The following SLC17A9 variants were observed in gnomAD, a reference collection of about 807,000 sequenced individuals.
The protein encoded by SLC17A9 is solute carrier family 17 member 9, also known as voltage-gated purine nucleotide uniporter SLC17A9.
Under a neutral mutation model 55.0 loss-of-function variants are expected in SLC17A9, and 49 were observed. The observed-to-expected ratio is 0.89, with a 90% CI of 0.71 to 1.13. The LOEUF (loss-of-function observed/expected upper bound fraction) is 1.13. Among genes scored for constraint, SLC17A9 ranks in the 50% most tolerant of loss-of-function variants. The probability of loss-of-function intolerance (pLI) is 0.00; values close to 1 mark genes in which losing one functional copy is unlikely to be tolerated. For missense variants in SLC17A9, 526 were observed against 569.3 expected, an observed-to-expected ratio of 0.92 and a Z score of 0.77; for synonymous variants, 256 against 247.4, an observed-to-expected ratio of 1.03 and a Z score of -0.32.
At chr20:62,964,505 C>T (rs1006174087) in intron 8 of SLC17A9, among the ~76,000 whole-genome samples, 190 bp downstream of exon 8, 7 of 152,158 alleles carry the variant, frequency 4.6e-5, no homozygotes, top group Admixed American at 3.3e-4. Context: ...TCTGGTCTCA[C>T]GGTGACTGTG....
At chr20:62,963,783 G>A (rs562934027) in intron 7 of SLC17A9, 103 bp downstream of exon 7, 142 of 1,063,882 alleles carry the variant, frequency 1.3e-4, no homozygotes, top group African/African-American at 4.7e-4. Context: ...TGGAACCCTC[G>A]GCTCCTCCTG....
In SLC17A9 at chr20:62,966,564, C is replaced by T. The variant is rs778254246; in HGVS notation, c.1101C>T (p.Cys367=). The T allele has an allele frequency of 2.6e-5, 42 of 1,608,908 alleles. No individual in the cohort carries two copies. Among genetic ancestry groups the T allele is most frequent in the East Asian group, 4.5e-5 (2 of 44,456 alleles). The stretch of plus-strand genomic sequence containing the variant: ...ACATCCAGGACTTGGCCCCGTCCTG[C>T]GCCGGCTTTCTGTTTGGTGAGGACC... The part of the protein sequence containing the change: ...SVNIQDLAPS[C]AGFLFGVANT... The change falls in exon 11 of 13, where the codon TGC becomes TGT. Residue 367 remains cysteine (C), a synonymous_variant. Transcript: ENST00000370351.
At chr20:62,956,677 C>T (rs1374107699) in intron 1 of SLC17A9, 88 bp from the exon 2 acceptor site, 18 of 1,266,824 alleles carry the variant, frequency 1.4e-5, no homozygotes, top group Non-Finnish European at 2.0e-5. Flanking sequence ...TCCATGTCCC[C>T]CAGCCCTGAG....
chr20:62,952,867 G>A lies in SLC17A9; in HGVS notation c.37G>A (p.Ala13Thr), dbSNP rs951849184. ...CCCAGACGAGGCCCGCAGGGACATG[G>A]CCGGGGACACCCAGTGGTCCAGGTG... Reference protein sequence around the residue: ...PPPDEARRDMAGDTQWSRPEC... With the variant: ...PPPDEARRDMTGDTQWSRPEC... The change falls in exon 1 of 13, where the codon GCC becomes ACC. Residue 13 changes from alanine (A) to threonine (T), a missense_variant. Coordinates refer to ENST00000370351, the MANE Select transcript of SLC17A9 (RefSeq NM_022082.4). 4 of 1,520,432 alleles carry A rather than the reference G, an allele frequency of 2.6e-6. No individual in the cohort carries two copies. The highest frequency in any genetic ancestry group is 3.5e-6 in the Non-Finnish European group (4 of 1,138,666). The allele number at this position is 1,520,432 out of a possible 1,614,324, so 94.2% of individuals were successfully genotyped here.
At position 62,962,880 on chromosome 20, in the gene SLC17A9, C is replaced by A; in HGVS notation, c.628+126C>A. The stretch of plus-strand genomic sequence containing the variant: ...CGATGGCTTTGACCTCCCAAAGAAT[C>A]CGCCAGTGAGGAAAAGCGCTCGGGT... On this transcript the variant is annotated intron_variant, in intron 5 of 12. Coordinates refer to ENST00000370351, the MANE Select transcript of SLC17A9 (RefSeq NM_022082.4). This position sits in a 1 kb window ranked among gnomAD's most constrained non-coding sequence, Gnocchi z 5.5. 7.1e-7 allele frequency: 1 copy of A among 1,402,304 alleles called. No homozygotes were observed. Among genetic ancestry groups the A allele is most frequent in the Non-Finnish European group, 9.6e-7 (1 of 1,039,370 alleles). 86.9% of individuals were successfully genotyped at this position (1,402,304 alleles called of 1,614,324 possible).
chr20:62,953,497 G>A lies in SLC17A9; in HGVS notation c.59+608G>A, dbSNP rs549701038. On this transcript the variant is annotated intron_variant, in intron 1 of 12. Transcript: ENST00000370351. ...TCAGAAACCGGGCGAGATGGTGACC[G>A]CGGGCCATTGGTCAGCTGGGGAGGG... Among the ~76,000 whole-genome samples the A allele has an allele frequency of 7.2e-5, 11 of 152,342 alleles. No homozygotes were observed. In the South Asian group the frequency reaches 8.3e-4, roughly 11 times the overall value.
intron 7 of SLC17A9, chr20:62,963,953 A>G (rs2065612383): frequency 1.7e-6 from 1 of 595,164 alleles, no homozygotes; most frequent in East Asian, 2.8e-5. Context: ...CTGCTGGCCC[A>G]CAGAACCCGA....
At chr20:62,957,845 A>C (rs533582504) in intron 3 of SLC17A9, among the ~76,000 whole-genome samples, 1 of 115,806 alleles carries the variant, frequency 8.6e-6, no homozygotes, top group Non-Finnish European at 1.7e-5. Flanking sequence ...GCATGCGTGC[A>C]CCTGTGCGTG....
chr20:62,957,079 CT>C (rs2065543381), intron 2 of SLC17A9, 117 bp downstream of exon 2: 1 of 1,377,060 alleles, frequency 7.3e-7, no homozygotes. Context: ...GGGGAAGGAG[CT>C]TGGTGGACAC....
chr20:62,962,675 G>A lies in SLC17A9; in HGVS notation c.549G>A (p.Trp183Ter). The change falls in exon 5 of 13, where the codon TGG becomes TGA. Residue 183 changes from tryptophan (W) to a stop codon, truncating the protein, a stop_gained. Coordinates refer to ENST00000370351, the MANE Select transcript of SLC17A9 (RefSeq NM_022082.4). LOFTEE classifies it high-confidence loss of function. The surrounding 1 kb of genome is among the most constrained non-coding windows in gnomAD (Gnocchi z 5.5). ...CCCTGCTCCTGGAATGGTACGGCTG[G>A]CAGAGCATCTTCTATTTCTCCGGCG... ...VGSLLLEWYG[W>*]QSIFYFSGGL... 6.2e-7 allele frequency: 1 copy of A among 1,614,088 alleles called. No individual in the cohort carries two copies. Among genetic ancestry groups the A allele is most frequent in the Non-Finnish European group, 8.5e-7 (1 of 1,179,938 alleles).
intron 8 of SLC17A9, 38 bp from the exon 9 acceptor site, chr20:62,965,094 G>A: frequency 6.2e-7 from 1 of 1,613,796 alleles, no homozygotes. Flanking sequence ...CAGCACGAAA[G>A]GGCTAACGGG....
Position 62,963,353 on chromosome 20 carries a change from C to G in SLC17A9, c.709C>G (p.Arg237Gly). 1 of 1,613,566 alleles carries G rather than the reference C, an allele frequency of 6.2e-7. No individual in the cohort carries two copies. Among genetic ancestry groups the G allele is most frequent in the Non-Finnish European group, 8.5e-7 (1 of 1,179,952 alleles). ...CAGAGTCCCCTGGAGACGGCTCTTCCGGAAGCCTGCTGTCTGGTGAGCTGG... is the reference window on the plus strand; with the variant it reads ...CAGAGTCCCCTGGAGACGGCTCTTCGGGAAGCCTGCTGTCTGGTGAGCTGG... ...HNRVPWRRLFRKPAVWAAVVS... is the reference protein window; with the variant it reads ...HNRVPWRRLFGKPAVWAAVVS... Residue 237 changes from arginine to glycine, a missense_variant, in exon 6 of 13, where the codon CGG (arginine) becomes GGG (glycine). Transcript: ENST00000370351.
intron 3 of SLC17A9, among the ~76,000 whole-genome samples, chr20:62,957,866 A>AGT (rs10690603): frequency 0.43 from 45,378 of 104,332 alleles, 12,532 homozygotes; most frequent in East Asian, 0.74. Flanking sequence ...TGCGTGTGCA[A>AGT]GTGTGTGTAT....
intron 2 of SLC17A9, 137 bp from the exon 3 acceptor site, chr20:62,957,304 G>T: frequency 6.7e-7 from 1 of 1,483,928 alleles, no homozygotes; most frequent in Non-Finnish European, 8.9e-7. Context: ...AGGCAGCTCT[G>T]GGGTCATGAG....
At chr20:62,955,467 TTTTTG>T (rs1289083505) in intron 1 of SLC17A9, among the ~76,000 whole-genome samples, 2 of 152,078 alleles carry the variant, frequency 1.3e-5, no homozygotes, top group African/African-American at 2.4e-5. Context: ...TTAAAGTTTT[TTTTTG>T]TTTTGTTTTG....
chr20:62,956,655 C>A (rs905142477), intron 1 of SLC17A9, 110 bp from the exon 2 acceptor site: 11 of 1,007,438 alleles, frequency 1.1e-5, no homozygotes, highest in Non-Finnish European at 1.6e-5. Flanking sequence ...TCAAAGCTGT[C>A]CCCATTCACA....
chr20:62,956,785 CG>C lies in SLC17A9; in HGVS notation c.84del (p.Thr29ArgfsTer23). ...CACAGGCCCGAGTGCCAGGCATGGA[CG>C]GGGACGCTGCTGCTGGGCACATGCC... is the stretch of plus-strand genomic sequence containing the variant. ...QWSRPECQAW[T>X]GTLLLGTCLL... On this transcript the variant is annotated frameshift_variant, in exon 2 of 13. Transcript: ENST00000370351. LOFTEE classifies it high-confidence loss of function. The C allele has an allele frequency of 1.2e-6, 2 of 1,612,220 alleles. No homozygotes were observed. The highest frequency in any genetic ancestry group is 2.2e-5 in the South Asian group (2 of 90,914).
chr20:62,966,449 G>A lies in SLC17A9; in HGVS notation c.1062-76G>A, dbSNP rs561722425. The A allele has an allele frequency of 3.1e-5, 48 of 1,525,444 alleles. No individual in the cohort carries two copies. In the African/African-American group the frequency reaches 4.4e-4, roughly 14 times the overall value. 94.5% of individuals were successfully genotyped at this position (1,525,444 alleles called of 1,614,324 possible). On this transcript the variant is annotated intron_variant, in intron 10 of 12. Transcript: ENST00000370351. Reference sequence around the variant, plus strand: ...TGGCTCCACGAGACCTTGCTTCCCCGCTTCCCCTGTGACAACCCTGGGCCA... The same window carrying A: ...TGGCTCCACGAGACCTTGCTTCCCCACTTCCCCTGTGACAACCCTGGGCCA...
In SLC17A9 at chr20:62,962,972, A is replaced by C; in HGVS notation, c.628+218A>C. ...GGTTCCATCTAGGGCTAAGGCAGAC[A>C]CCCAGGAAGACCTGCTGGGCACAGG... is the stretch of plus-strand genomic sequence containing the variant. On this transcript the variant is annotated intron_variant, in intron 5 of 12. Coordinates refer to ENST00000370351, the MANE Select transcript of SLC17A9 (RefSeq NM_022082.4). The surrounding 1 kb of genome is among the most constrained non-coding windows in gnomAD (Gnocchi z 5.5). 1.5e-6 allele frequency: 1 copy of C among 687,262 alleles called. No homozygotes were observed. Among genetic ancestry groups the C allele is most frequent in the Non-Finnish European group, 2.4e-6 (1 of 419,334 alleles). 42.6% of individuals were successfully genotyped at this position (687,262 alleles called of 1,614,324 possible). A position where few individuals can be genotyped will look rare whatever the true frequency, so the allele number is the denominator to read the frequency against.
Sources: allele counts gnomAD v4.1 joint callset (sites outside exome capture counted in the v4.1 genomes callset), GRCh38; gene constraint gnomAD v4.1.1; non-coding constraint Gnocchi (gnomAD v3.1); transcripts MANE v1.5; gene names NCBI Gene and HGNC (gene_info 2026-07-23, HGNC 2026-07-21).